Variants in ABCA1 observed in about 807,000 individuals in gnomAD.
The protein encoded by ABCA1 is phospholipid-transporting ATPase ABCA1.
A neutral mutation model predicts 262.5 loss-of-function variants in ABCA1; 133 were observed. The ratio of observed to expected loss-of-function variants is 0.51; its 90% CI spans 0.44 to 0.59. The LOEUF is 0.59. Among genes scored for constraint, ABCA1 ranks in the 20% least tolerant of loss-of-function variants. ABCA1 has a pLI of 0.00. For missense variants in ABCA1, 2,452 were observed against 2,777.5 expected (o/e 0.88, Z 2.63); for synonymous variants, 1,022 against 1,043.5 (o/e 0.98, Z 0.40).
intron 1 of ABCA1, among the ~76,000 whole-genome samples, chr9:104,913,341 C>T (rs749398883): frequency 6.6e-6 from 1 of 152,174 alleles, no homozygotes; most frequent in South Asian, 2.1e-4. Flanking sequence ...CTGCTACTCA[C>T]CAGCTCTGGA....
Position 104,862,743 on chromosome 9 carries a change from A to G in ABCA1, c.422-943T>C, listed in dbSNP as rs564173238. Among the ~76,000 whole-genome samples, 10 of 41,320 alleles carry G rather than the reference A, an allele frequency of 2.4e-4. 1 individual carries two copies. Among genetic ancestry groups the G allele is most frequent in the Admixed American group, 1.7e-3 (6 of 3,468 alleles). The allele number at this position is 41,320 out of a possible 152,430, so 27.1% of individuals were successfully genotyped here. A position where few individuals can be genotyped will look rare whatever the true frequency, so the allele number is the denominator to read the frequency against. On this transcript the variant is annotated intron_variant, in intron 5 of 49. Coordinates refer to ENST00000374736, the MANE Select transcript of ABCA1 (RefSeq NM_005502.4). ...CACCCCCACCCCCACCCCCACCCCC[A>G]CCCCCACCCCCAGAGTTTCTGATAC...
At chr9:104,856,763 C>T (rs1312434851) in intron 7 of ABCA1, among the ~76,000 whole-genome samples, 1 of 152,194 alleles carries the variant, frequency 6.6e-6, no homozygotes, top group African/African-American at 2.4e-5. Flanking sequence ...CCATCTTTTC[C>T]AAAATTTCAA....
chr9:104,838,186 G>T (rs568368550), intron 9 of ABCA1, among the ~76,000 whole-genome samples: 1 of 151,842 alleles, frequency 6.6e-6, no homozygotes. Flanking sequence ...TTAGCTGGGC[G>T]TGGTGACGCA....
intron 4 of ABCA1, 91 bp downstream of exon 4, chr9:104,884,336 A>T (rs1838963199): frequency 6.5e-6 from 10 of 1,531,542 alleles, no homozygotes; most frequent in Non-Finnish European, 9.0e-6. Flanking sequence ...ACTTCACTTA[A>T]ATCCAGCCAT....
chr9:104,813,651 G>A (rs2118941215), intron 27 of ABCA1, among the ~76,000 whole-genome samples: 1 of 152,284 alleles, frequency 6.6e-6, no homozygotes, highest in South Asian at 2.1e-4. Context: ...GACCTCAGGT[G>A]ATCTACCCAC....
At chr9:104,880,878 T>C (rs1267904381) in intron 5 of ABCA1, among the ~76,000 whole-genome samples, 2 of 151,900 alleles carry the variant, frequency 1.3e-5, no homozygotes, top group African/African-American at 2.4e-5. Flanking sequence ...AGGCCAGGCA[T>C]GGTGGCTCAT....
At chr9:104,827,325 T>C (rs1231303986) in intron 15 of ABCA1, among the ~76,000 whole-genome samples, 156 bp from the exon 16 acceptor site, 1 of 152,216 alleles carries the variant, frequency 6.6e-6, no homozygotes, top group Non-Finnish European at 1.5e-5. Flanking sequence ...AACTGATCAT[T>C]ACCATCCTAA....
At chr9:104,794,531 T>TG in intron 39 of ABCA1, 21 bp from the exon 40 acceptor site, 1 of 773,248 alleles carries the variant, frequency 1.3e-6, no homozygotes, top group Non-Finnish European at 2.0e-6. Context: ...AAAAAAAAAA[T>TG]GGGAGGGAAG....
chr9:104,785,335 G>T, intron 49 of ABCA1, 61 bp downstream of exon 49: 1 of 1,604,936 alleles, frequency 6.2e-7, no homozygotes, highest in Non-Finnish European at 8.5e-7. Flanking sequence ...CTATGGGCGG[G>T]AGTGTCGGGG....
chr9:104,802,694 G>A (rs904548555), intron 33 of ABCA1, among the ~76,000 whole-genome samples: 5 of 152,152 alleles, frequency 3.3e-5, no homozygotes, highest in East Asian at 1.9e-4. Flanking sequence ...GCCCCCTGAC[G>A]TAGCCACATC....
intron 1 of ABCA1, among the ~76,000 whole-genome samples, chr9:104,913,856 C>T (rs930114812): frequency 3.9e-5 from 6 of 152,106 alleles, no homozygotes; most frequent in African/African-American, 7.2e-5. Context: ...AGTGCAGTGG[C>T]GCGATCTCGG....
At chr9:104,870,661 A>G (rs1486014486) in intron 5 of ABCA1, among the ~76,000 whole-genome samples, 1 of 151,336 alleles carries the variant, frequency 6.6e-6, no homozygotes, top group Non-Finnish European at 1.5e-5. Flanking sequence ...AGATACCATG[A>G]GTTTCATGTG....
intron 3 of ABCA1, 112 bp downstream of exon 3, chr9:104,888,990 G>T: frequency 1.1e-6 from 1 of 947,646 alleles, no homozygotes; most frequent in Non-Finnish European, 1.7e-6. Flanking sequence ...TCCAAAGCAT[G>T]TGTGATGTTT....
chr9:104,806,625 CATT>C (rs1469800754), intron 30 of ABCA1, among the ~76,000 whole-genome samples, 195 bp from the exon 31 acceptor site: 1 of 152,188 alleles, frequency 6.6e-6, no homozygotes, highest in Non-Finnish European at 1.5e-5. Context: ...TTTATATCAT[CATT>C]ATGTATCATT....
At chr9:104,866,515 C>T (rs532121758) in intron 5 of ABCA1, among the ~76,000 whole-genome samples, 18 of 151,842 alleles carry the variant, frequency 1.2e-4, no homozygotes, top group Non-Finnish European at 1.0e-4. Flanking sequence ...GAGTTTCACC[C>T]TTTCACCCAG....
chr9:104,903,759 G>T lies in ABCA1; in HGVS notation c.-80C>A. 7.6e-7 allele frequency: 1 copy of T among 1,310,520 alleles called. No individual in the cohort carries two copies. Among genetic ancestry groups the T allele is most frequent in the Non-Finnish European group, 1.1e-6 (1 of 931,426 alleles). 81.2% of individuals were successfully genotyped at this position (1,310,520 alleles called of 1,614,324 possible). A position where few individuals can be genotyped will look rare whatever the true frequency, so the allele number is the denominator to read the frequency against. On this transcript the variant is annotated 5_prime_UTR_variant, in exon 2 of 50. Transcript: ENST00000374736. ...CCAGAGCTCACAGCAGGGACGCCGT[G>T]GCTGGTCATTAACTGAAAGATAAAG...
rs148364457 is a variant in ABCA1, at chr9:104,828,377, G to C, written c.2115+539C>G. Among the ~76,000 whole-genome samples, 856 of 152,286 alleles carry C rather than the reference G, an allele frequency of 5.6e-3. 8 individuals are homozygous for C. Among genetic ancestry groups the C allele is most frequent in the African/African-American group, 0.019 (793 of 41,566 alleles). On this transcript the variant is annotated intron_variant, in intron 15 of 49. Coordinates refer to ENST00000374736, the MANE Select transcript of ABCA1 (RefSeq NM_005502.4). Reference sequence around the variant, plus strand: ...CAACAAGCTGCATATTCTCTAGAGTGCCCCACGGGGTTGGCCCTATATCAC... The same window carrying C: ...CAACAAGCTGCATATTCTCTAGAGTCCCCCACGGGGTTGGCCCTATATCAC...
At chr9:104,868,531 C>T (rs1408669318) in intron 5 of ABCA1, among the ~76,000 whole-genome samples, 3 of 152,158 alleles carry the variant, frequency 2.0e-5, no homozygotes, top group African/African-American at 7.2e-5. Flanking sequence ...CTACTGCTGC[C>T]AGCAGAAGAG....
In ABCA1 at chr9:104,850,119, T is replaced by TTTTGTTTGTTTG. The variant is rs61340012; in HGVS notation, c.721-4562_721-4551dup. Among the ~76,000 whole-genome samples, 390 of 151,374 alleles carry TTTTGTTTGTTTG rather than the reference T, an allele frequency of 2.6e-3. 3 individuals are homozygous for TTTTGTTTGTTTG. The highest frequency in any genetic ancestry group is 0.017 in the Middle Eastern group (5 of 294). On this transcript the variant is annotated intron_variant, in intron 7 of 49. Transcript: ENST00000374736. ...ATGGATGATGGTACAGGAGTGTTCT[T>TTTTGTTTGTTTG]TTTGTTTGTTTGTTTGTTTGAAGAC... is the stretch of plus-strand genomic sequence containing the variant.
Sources: allele counts gnomAD v4.1 joint callset (sites outside exome capture counted in the v4.1 genomes callset), GRCh38; gene constraint gnomAD v4.1.1; transcripts MANE v1.5; gene names NCBI Gene and HGNC (gene_info 2026-07-23, HGNC 2026-07-21).